The following WDPCP variants were observed in gnomAD, a reference collection of about 807,000 sequenced individuals.
The protein encoded by WDPCP is WD repeat-containing and planar cell polarity effector protein fritz homolog.
Under a neutral mutation model 93.1 loss-of-function variants are expected in WDPCP, and 71 were observed. That is an observed-to-expected ratio of 0.76 (90% CI 0.63 to 0.93). WDPCP has a LOEUF of 0.93. Among genes scored for constraint, WDPCP ranks in the 40% least tolerant of loss-of-function variants. WDPCP has a pLI of 0.00. For synonymous variants in WDPCP, 315 were observed against 315.0 expected (o/e 1.00, Z 0.00); for missense variants, 844 against 887.4 (o/e 0.95, Z 0.62).
At chr2:63,485,300 G>A (rs181345445) in intron 4 of WDPCP, among the ~76,000 whole-genome samples, 21 of 149,576 alleles carry the variant, frequency 1.4e-4, no homozygotes, top group Middle Eastern at 7.0e-3. Context: ...ACTTTTTCAT[G>A]TAAATAATTA....
chr2:63,227,110 A>ATAAT, intron 14 of WDPCP, among the ~76,000 whole-genome samples: 1 of 152,106 alleles, frequency 6.6e-6, no homozygotes, highest in Non-Finnish European at 1.5e-5. Flanking sequence ...CTCTATGCAC[A>ATAAT]TAATTAACAG....
intron 15 of WDPCP, chr2:63,168,933 C>T (rs1405601402): frequency 6.6e-6 from 1 of 152,114 alleles, no homozygotes; most frequent in Admixed American, 6.6e-5. Context: ...TTTTCTAATG[C>T]CTTTAGTCTC....
intron 1 of WDPCP, among the ~76,000 whole-genome samples, chr2:63,586,483 T>C (rs183274271): frequency 3.0e-4 from 46 of 152,334 alleles, no homozygotes; most frequent in African/African-American, 1.1e-3. Context: ...ATTGTGCTAC[T>C]TGACATTAGC....
chr2:63,790,590 C>T lies in WDPCP; in HGVS notation n.308+23032G>A, dbSNP rs140616026. On this transcript the variant is annotated intron_variant and non_coding_transcript_variant, in intron 2 of 4. Transcript: ENST00000467687. ...CCCCTTAAACCTCTTCTGTTCAAGT[C>T]GTATAATAGACAGTAGGATAAGTTC... Among the ~76,000 whole-genome samples the T allele has an allele frequency of 7.7e-3, 1,168 of 152,192 alleles. 6 individuals carry two copies. The highest frequency in any genetic ancestry group is 0.014 in the South Asian group (66 of 4,816).
At chr2:63,425,966 G>A (rs555657756) in intron 9 of WDPCP, among the ~76,000 whole-genome samples, 1 of 152,106 alleles carries the variant, frequency 6.6e-6, no homozygotes, top group Non-Finnish European at 1.5e-5. Context: ...AATCTTAATG[G>A]GGCCTAGACA....
At chr2:63,602,045 A>G (rs998038443) in intron 3 of WDPCP, among the ~76,000 whole-genome samples, 6 of 152,244 alleles carry the variant, frequency 3.9e-5, no homozygotes, top group Non-Finnish European at 8.8e-5. Flanking sequence ...CCAACTGTGA[A>G]CTAATTTGTG....
At chr2:63,709,295 A>G (rs954114922) in intron 2 of WDPCP, among the ~76,000 whole-genome samples, 3 of 152,034 alleles carry the variant, frequency 2.0e-5, no homozygotes, top group African/African-American at 7.2e-5. Context: ...AGCCTGGGTA[A>G]CAGACCGAAA....
chr2:63,269,040 T>A (rs908385359), intron 13 of WDPCP, among the ~76,000 whole-genome samples: 3 of 152,162 alleles, frequency 2.0e-5, no homozygotes, highest in Non-Finnish European at 4.4e-5. Flanking sequence ...TTTTTTTTAT[T>A]TGTTGGCCCC....
chr2:63,777,477 G>A (rs771095770), intron 2 of WDPCP, among the ~76,000 whole-genome samples: 4 of 152,120 alleles, frequency 2.6e-5, no homozygotes, highest in Non-Finnish European at 4.4e-5. Context: ...AATGTTCACA[G>A]CAGCTCTATT....
rs766639248 is a variant in WDPCP at position 63,259,336 on chromosome 2, A to G, written c.1886T>C (p.Ile629Thr). 8 of 1,612,752 alleles carry G rather than the reference A, an allele frequency of 5.0e-6. No individual in the cohort carries two copies. Among genetic ancestry groups the G allele is most frequent in the African/African-American group, 1.3e-5 (1 of 74,878 alleles). ...CCCAGAGGTTATTGATTCTGCATCA[A>G]TGTCACTAGCTCTTTTTCTTGCCAC... is the stretch of plus-strand genomic sequence containing the variant. ...AEVARKRASD[I>T]DAESITSGVE... The change falls in exon 14 of 18, where the codon ATT (isoleucine) becomes ACT (threonine). Residue 629 changes from isoleucine to threonine, a missense_variant. By Grantham distance (89) the Ile-to-Thr change is moderately conservative (BLOSUM62 -1). Coordinates refer to ENST00000272321, the MANE Select transcript of WDPCP (RefSeq NM_015910.7).
chr2:63,248,226 C>T (rs1447344569), intron 14 of WDPCP, among the ~76,000 whole-genome samples: 1 of 152,036 alleles, frequency 6.6e-6, no homozygotes, highest in Non-Finnish European at 1.5e-5. Flanking sequence ...CCCAGTCTTC[C>T]TGGACATATA....
chr2:63,718,779 T>C lies in WDPCP; in HGVS notation n.309-67941A>G, dbSNP rs116227650. Among the ~76,000 whole-genome samples, 867 of 152,266 alleles carry C rather than the reference T, an allele frequency of 5.7e-3. 13 individuals are homozygous for C. The highest frequency in any genetic ancestry group is 0.019 in the African/African-American group (808 of 41,556). On this transcript the variant is annotated intron_variant and non_coding_transcript_variant, in intron 2 of 4. Coordinates refer to the WDPCP transcript ENST00000467687. Reference sequence around the variant, plus strand: ...CTAAAAGATGCTTCAAAAATGTACTTCAAAAAAATACAGAAAGGTTGAAAA... The same window carrying C: ...CTAAAAGATGCTTCAAAAATGTACTCCAAAAAAATACAGAAAGGTTGAAAA...
intron 14 of WDPCP, among the ~76,000 whole-genome samples, chr2:63,186,256 T>C (rs1330465804): frequency 6.6e-6 from 1 of 152,002 alleles, no homozygotes; most frequent in Non-Finnish European, 1.5e-5. Flanking sequence ...CTAGCAAATC[T>C]CCTCCCTCTC....
intron 1 of WDPCP, among the ~76,000 whole-genome samples, chr2:63,548,297 C>G (rs1705308705): frequency 6.6e-6 from 1 of 151,834 alleles, no homozygotes; most frequent in Non-Finnish European, 1.5e-5. Context: ...GCAAAAAAGG[C>G]TTTTTAAATT....
chr2:63,265,919 C>A (rs1244511276), intron 13 of WDPCP, among the ~76,000 whole-genome samples: 5 of 152,078 alleles, frequency 3.3e-5, no homozygotes, highest in Admixed American at 2.6e-4. Context: ...AACTGCATGA[C>A]CATCTCAATA....
At chr2:63,134,753 TA>T (rs893778555) in intron 17 of WDPCP, among the ~76,000 whole-genome samples, 69 of 152,374 alleles carry the variant, frequency 4.5e-4, no homozygotes, top group African/African-American at 1.6e-3. Flanking sequence ...TGAATTTCCT[TA>T]TTTTTTCTTC....
At chr2:63,425,706 T>G (rs564469442) in intron 9 of WDPCP, among the ~76,000 whole-genome samples, 38 of 152,264 alleles carry the variant, frequency 2.5e-4, no homozygotes, top group Non-Finnish European at 5.0e-4. Context: ...GAGTAAAACC[T>G]CTACAAAATA....
chr2:63,575,480 TGTATATATA>T (rs1707991953), intron 1 of WDPCP, among the ~76,000 whole-genome samples: 13 of 49,466 alleles, frequency 2.6e-4, no homozygotes, highest in South Asian at 1.2e-3. Context: ...GTATATACAG[TGTATATATA>T]GTATATACAG....
chr2:63,563,931 A>C (rs1706829782), intron 1 of WDPCP, among the ~76,000 whole-genome samples: 1 of 152,228 alleles, frequency 6.6e-6, no homozygotes, highest in African/African-American at 2.4e-5. Flanking sequence ...GGGCTAAGAC[A>C]GTGGCGATGG....
Sources: gnomAD v4.1 joint callset for allele counts (sites outside exome capture counted in the v4.1 genomes callset) on GRCh38, gnomAD v4.1.1 for gene constraint, MANE v1.5 for transcripts, NCBI Gene and HGNC (gene_info 2026-07-23, HGNC 2026-07-21) for gene names.